Variants in IQCB1 observed in about 807,000 individuals in gnomAD.
IQCB1 encodes the protein IQ calmodulin-binding motif-containing protein 1.
IQCB1 carries 56 observed loss-of-function variants against 84.4 expected under a neutral mutation model. The observed-to-expected ratio is 0.66, with a 90% CI of 0.54 to 0.83. The LOEUF is 0.83. Ranked by LOEUF, IQCB1 falls within the 40% of genes least tolerant of loss-of-function variation. The pLI is 0.00. For synonymous variants in IQCB1, 210 were observed against 234.8 expected (o/e 0.89, Z 0.96); for missense variants, 629 against 682.1 (o/e 0.92, Z 0.87).
intron 4 of IQCB1, among the ~76,000 whole-genome samples, chr3:121,827,857 C>A (rs1008759658): frequency 6.6e-6 from 1 of 152,204 alleles, no homozygotes; most frequent in South Asian, 2.1e-4. Context: ...AGCTTAGGCA[C>A]TAAGAACATC....
chr3:121,832,302 A>G (rs965260032), intron 2 of IQCB1, among the ~76,000 whole-genome samples: 2 of 148,416 alleles, frequency 1.3e-5, no homozygotes, highest in African/African-American at 4.9e-5. Flanking sequence ...AAATTTGACT[A>G]TGGGGTCTTT....
chr3:121,792,589 G>A (rs1030306298), intron 10 of IQCB1, among the ~76,000 whole-genome samples: 3 of 142,424 alleles, frequency 2.1e-5, no homozygotes, highest in Non-Finnish European at 3.0e-5. Flanking sequence ...GTGAACCCGG[G>A]AGGCGGAGCT....
At chr3:121,773,848 A>T (rs766014635) in intron 13 of IQCB1, among the ~76,000 whole-genome samples, 3 of 152,080 alleles carry the variant, frequency 2.0e-5, no homozygotes, top group Non-Finnish European at 2.9e-5. Context: ...GGTTTTGGTG[A>T]TGATTTCTTC....
At chr3:121,784,960 T>A (rs1318779352) in intron 12 of IQCB1, among the ~76,000 whole-genome samples, 1 of 152,158 alleles carries the variant, frequency 6.6e-6, no homozygotes, top group Admixed American at 6.5e-5. Context: ...CAAGCATGAG[T>A]CACCGTGCCC....
intron 13 of IQCB1, among the ~76,000 whole-genome samples, chr3:121,778,830 C>T (rs1234948691): frequency 6.6e-6 from 1 of 150,760 alleles, no homozygotes; most frequent in African/African-American, 2.4e-5. Context: ...CACTTGAACC[C>T]GGGAGGCGGC....
intron 10 of IQCB1, among the ~76,000 whole-genome samples, chr3:121,790,595 G>A (rs1284548762): frequency 2.0e-5 from 3 of 152,108 alleles, no homozygotes; most frequent in African/African-American, 7.2e-5. Flanking sequence ...TCACAACAGC[G>A]AGTTGGATAA....
chr3:121,785,386 C>T (rs1402558583), intron 12 of IQCB1, among the ~76,000 whole-genome samples: 1 of 152,016 alleles, frequency 6.6e-6, no homozygotes, highest in Non-Finnish European at 1.5e-5. Context: ...TTCAGAGTAG[C>T]TGGGACTACC....
chr3:121,781,668 A>ATG (rs1559755552), intron 13 of IQCB1, 75 bp downstream of exon 13: 37 of 1,130,036 alleles, frequency 3.3e-5, no homozygotes, highest in African/African-American at 9.5e-5. Flanking sequence ...CACACAATAT[A>ATG]TGTGTGTGTG....
At chr3:121,828,686 T>C (rs1201322918) in intron 3 of IQCB1, 54 bp from the exon 4 acceptor site, 1 of 1,265,890 alleles carries the variant, frequency 7.9e-7, no homozygotes, top group African/African-American at 1.5e-5. Context: ...ATCCAGGAGC[T>C]ATTTGTATTT....
chr3:121,817,148 T>G (rs1269556525), intron 5 of IQCB1, among the ~76,000 whole-genome samples: 2 of 150,638 alleles, frequency 1.3e-5, no homozygotes, highest in African/African-American at 4.9e-5. Context: ...CTCAGCAAAC[T>G]AACACAGGAA....
At chr3:121,826,249 G>C in intron 4 of IQCB1, 69 bp from the exon 5 acceptor site, 3 of 1,477,614 alleles carry the variant, frequency 2.0e-6, no homozygotes, top group Non-Finnish European at 2.8e-6. Context: ...TAGAGACACT[G>C]TGCCTTATTG....
chr3:121,823,392 T>C (rs904812375), intron 5 of IQCB1, among the ~76,000 whole-genome samples: 2 of 152,054 alleles, frequency 1.3e-5, no homozygotes, highest in African/African-American at 2.4e-5. Flanking sequence ...ACAAGGTTCA[T>C]CAAAGTAAAA....
intron 5 of IQCB1, among the ~76,000 whole-genome samples, chr3:121,816,647 C>A (rs528939413): frequency 4.6e-5 from 7 of 152,036 alleles, no homozygotes; most frequent in Non-Finnish European, 5.9e-5. Context: ...ATGGGGCCAA[C>A]AAACATATGA....
At chr3:121,771,388 G>T (rs1947984529) in intron 14 of IQCB1, among the ~76,000 whole-genome samples, 1 of 151,592 alleles carries the variant, frequency 6.6e-6, no homozygotes, top group South Asian at 2.1e-4. Flanking sequence ...GAGTGCAGTA[G>T]CGCGATCTCT....
chr3:121,775,270 T>C (rs1948177320), intron 13 of IQCB1, among the ~76,000 whole-genome samples: 1 of 152,080 alleles, frequency 6.6e-6, no homozygotes, highest in Non-Finnish European at 1.5e-5. Flanking sequence ...ACTGGCCATA[T>C]ACACCATGGA....
In IQCB1 at chr3:121,790,109, C is replaced by T. The variant is rs371844518; in HGVS notation, c.1093G>A (p.Glu365Lys). Reference sequence around the variant, plus strand: ...ATTTCGAGCATACTCAGCTGCAATTCTCGGGAAAGTCTCATGGCTCTCTGT... The same window carrying T: ...ATTTCGAGCATACTCAGCTGCAATTTTCGGGAAAGTCTCATGGCTCTCTGT... ...QRQRAMRLSR[E>K]LQLSMLEIVH... Residue 365 changes from glutamate (E) to lysine (K), a missense_variant, in exon 11 of 15, where the codon GAA (glutamate) becomes AAA (lysine). Transcript: ENST00000310864. 2.7e-5 allele frequency: 44 copies of T among 1,613,612 alleles called. No homozygotes were observed. The highest frequency in any genetic ancestry group is 3.7e-5 in the Non-Finnish European group (44 of 1,179,704).
chr3:121,776,068 A>AT (rs529951843), intron 13 of IQCB1, among the ~76,000 whole-genome samples: 3 of 151,668 alleles, frequency 2.0e-5, no homozygotes, highest in South Asian at 2.1e-4. Flanking sequence ...TTCTTTAAAA[A>AT]TTTTTTTTGA....
At chr3:121,830,733 TCTC>T (rs964342440) in intron 2 of IQCB1, among the ~76,000 whole-genome samples, 5 of 152,154 alleles carry the variant, frequency 3.3e-5, no homozygotes, top group African/African-American at 1.2e-4. Flanking sequence ...GACTTCCTCC[TCTC>T]CTCCTTTCAC....
chr3:121,774,365 G>A (rs1004050656), intron 13 of IQCB1, among the ~76,000 whole-genome samples: 20 of 152,182 alleles, frequency 1.3e-4, no homozygotes, highest in African/African-American at 4.6e-4. Flanking sequence ...ATGGAAAACA[G>A]TATGGCAGTT....
Sources: gnomAD v4.1 joint callset for allele counts (sites outside exome capture counted in the v4.1 genomes callset) on GRCh38, gnomAD v4.1.1 for gene constraint, MANE v1.5 for transcripts, NCBI Gene and HGNC (gene_info 2026-07-23, HGNC 2026-07-21) for gene names.